ATP6V0D2: variants seen among roughly 807,000 people sequenced by gnomAD.
The protein encoded by ATP6V0D2 is V-type proton ATPase subunit d 2.
In ATP6V0D2, 40 loss-of-function variants were observed where a neutral mutation model predicts 40.0. That is an observed-to-expected ratio of 1.00 (90% CI 0.78 to 1.30). The LOEUF (loss-of-function observed/expected upper bound fraction) is 1.30. ATP6V0D2 is among the 50% of genes most tolerant of loss of function. The pLI, the probability that ATP6V0D2 is intolerant of heterozygous loss-of-function variation, is 0.00. For missense variants in ATP6V0D2, 470 were observed against 423.1 expected (o/e 1.11, Z -0.97); for synonymous variants, 179 against 156.3 (o/e 1.15, Z -1.08).
At chr8:86,148,960 G>C (rs988788921) in intron 5 of ATP6V0D2, among the ~76,000 whole-genome samples, 2 of 148,976 alleles carry the variant, frequency 1.3e-5, no homozygotes, top group African/African-American at 4.9e-5. Flanking sequence ...CTGCCACTTG[G>C]GAGGCTGAGG....
At chr8:86,128,702 T>C (rs1402595042) in intron 2 of ATP6V0D2, among the ~76,000 whole-genome samples, 3 of 152,136 alleles carry the variant, frequency 2.0e-5, no homozygotes, top group Non-Finnish European at 4.4e-5. Flanking sequence ...AACTCTGGGG[T>C]TACAAGATAC....
chr8:86,109,940 T>A (rs1818510528), intron 1 of ATP6V0D2, among the ~76,000 whole-genome samples: 1 of 152,120 alleles, frequency 6.6e-6, no homozygotes, highest in Non-Finnish European at 1.5e-5. Flanking sequence ...CTTCCTGTTA[T>A]CTCAGGATAA....
chr8:86,102,406 C>T (rs1334268652), intron 1 of ATP6V0D2, among the ~76,000 whole-genome samples: 1 of 152,158 alleles, frequency 6.6e-6, no homozygotes, highest in African/African-American at 2.4e-5. Flanking sequence ...ACCATACAAA[C>T]TATGGATAAA....
Position 86,141,454 on chromosome 8 carries a change from A to C in ATP6V0D2, c.486A>C (p.Pro162=), listed in dbSNP as rs1425952885. ...NAILIETPLA[P]FFQDCMSENA... is the part of the protein sequence containing the mutation. Reference sequence around the variant, plus strand: ...TATGGCAATTTCTGCTTTCAGCTCCATTCTTCCAAGACTGCATGTCTGAAA... The same window carrying C: ...TATGGCAATTTCTGCTTTCAGCTCCCTTCTTCCAAGACTGCATGTCTGAAA... The change falls in exon 4 of 8, where the codon CCA becomes CCC. Residue 162 remains proline (P), a synonymous_variant. Coordinates refer to ENST00000285393, the MANE Select transcript of ATP6V0D2 (RefSeq NM_152565.1). 1 of 1,609,330 alleles carries C rather than the reference A, an allele frequency of 6.2e-7. No individual in the cohort carries two copies. The highest frequency in any genetic ancestry group is 2.2e-5 in the East Asian group (1 of 44,786).
chr8:86,107,599 A>C (rs534864801), intron 1 of ATP6V0D2, among the ~76,000 whole-genome samples: 1 of 152,322 alleles, frequency 6.6e-6, no homozygotes, highest in East Asian at 1.9e-4. Flanking sequence ...ACGCTCTACA[A>C]ATTTTATAAA....
rs1819193554 is a variant in ATP6V0D2 at position 86,153,907 on chromosome 8, T to G, written c.*930T>G. On this transcript the variant is annotated 3_prime_UTR_variant, in exon 8 of 8. Transcript: ENST00000285393. ...CCTCAGCCTCCCGAGTAGCTGGGAT[T>G]ACAAGCACCCACCACTACACTCAGC... 1 of 152,184 alleles carries G rather than the reference T, an allele frequency of 6.6e-6. No individual in the cohort carries two copies. Among genetic ancestry groups the G allele is most frequent in the African/African-American group, 2.4e-5 (1 of 41,396 alleles). 9.4% of individuals were successfully genotyped at this position (152,184 alleles called of 1,614,324 possible).
At chr8:86,114,857 T>C (rs1196952220) in intron 2 of ATP6V0D2, among the ~76,000 whole-genome samples, 1 of 152,074 alleles carries the variant, frequency 6.6e-6, no homozygotes, top group Non-Finnish European at 1.5e-5. Flanking sequence ...GTTATGTAGA[T>C]AAAATGTAGA....
intron 2 of ATP6V0D2, among the ~76,000 whole-genome samples, chr8:86,132,914 C>T (rs1818846039): frequency 6.6e-6 from 1 of 152,146 alleles, no homozygotes; most frequent in South Asian, 2.1e-4. Flanking sequence ...CTGTTTTCCA[C>T]AGTACTTGTA....
intron 4 of ATP6V0D2, 25 bp from the exon 5 acceptor site, chr8:86,142,852 C>T: frequency 7.0e-7 from 1 of 1,430,244 alleles, no homozygotes; most frequent in Non-Finnish European, 9.8e-7. Flanking sequence ...CATTATATCA[C>T]TTTATGATCT....
At chr8:86,137,719 C>G (rs1289516544) in intron 2 of ATP6V0D2, among the ~76,000 whole-genome samples, 2 of 152,098 alleles carry the variant, frequency 1.3e-5, no homozygotes, top group East Asian at 1.9e-4. Flanking sequence ...CTACACATCA[C>G]CCCAAAAACT....
intron 1 of ATP6V0D2, among the ~76,000 whole-genome samples, chr8:86,109,232 C>G (rs1818505374): frequency 1.3e-5 from 2 of 152,038 alleles, no homozygotes; most frequent in Admixed American, 1.3e-4. Flanking sequence ...TTGTGCCTTC[C>G]AAATTTATTT....
chr8:86,117,892 G>A (rs1054102949), intron 2 of ATP6V0D2, among the ~76,000 whole-genome samples: 4 of 152,112 alleles, frequency 2.6e-5, no homozygotes, highest in Admixed American at 6.5e-5. Flanking sequence ...AGGAAGTGGG[G>A]AAACGAGGCT....
rs1819122476 is a variant in ATP6V0D2 at position 86,150,103 on chromosome 8, C to T, written c.640-9C>T. Reference sequence around the variant, plus strand: ...ATTAGATTTTACTGGTTTTGTCTTGCAAATTCAGTTTGAGGCCGACAGACG... The same window carrying T: ...ATTAGATTTTACTGGTTTTGTCTTGTAAATTCAGTTTGAGGCCGACAGACG... On this transcript the variant is annotated splice_polypyrimidine_tract_variant and intron_variant, in intron 5 of 7. Transcript: ENST00000285393. 1.2e-6 allele frequency: 2 copies of T among 1,608,300 alleles called. No homozygotes were observed. Among genetic ancestry groups the T allele is most frequent in the South Asian group, 2.2e-5 (2 of 90,606 alleles).
chr8:86,113,495 A>C (rs886482073), intron 1 of ATP6V0D2, among the ~76,000 whole-genome samples: 2 of 152,042 alleles, frequency 1.3e-5, no homozygotes, highest in Non-Finnish European at 2.9e-5. Flanking sequence ...ACAAAAGAAA[A>C]ACACATTTTC....
intron 5 of ATP6V0D2, among the ~76,000 whole-genome samples, chr8:86,149,052 G>GAT (rs1819107150): frequency 1.4e-5 from 1 of 69,000 alleles, no homozygotes; most frequent in Non-Finnish European, 2.5e-5. Context: ...ATCTCCAAAG[G>GAT]AAGAAAAAAA....
rs1296145852 is a variant in ATP6V0D2 at position 86,099,017 on chromosome 8, T to C, written c.39T>C (p.His13=). The C allele has an allele frequency of 1.9e-6, 3 of 1,613,836 alleles. No homozygotes were observed. The highest frequency in any genetic ancestry group is 2.7e-5 in the African/African-American group (2 of 74,888). The part of the protein sequence containing the change: ...EGAELYFNVD[H]GYLEGLVRGC... ...CGGAGCTGTACTTCAACGTGGACCA[T>C]GGCTACCTGGAGGGCCTGGTTCGAG... The change falls in exon 1 of 8, where the codon CAT becomes CAC. Residue 13 remains histidine, a synonymous_variant. Coordinates refer to ENST00000285393, the MANE Select transcript of ATP6V0D2 (RefSeq NM_152565.1).
At chr8:86,125,962 G>C (rs1163033227) in intron 2 of ATP6V0D2, among the ~76,000 whole-genome samples, 1 of 149,260 alleles carries the variant, frequency 6.7e-6, no homozygotes, top group Non-Finnish European at 1.5e-5. Context: ...TTCTGAGACA[G>C]AGTCTCACTC....
At chr8:86,146,664 G>C (rs1365628589) in intron 5 of ATP6V0D2, among the ~76,000 whole-genome samples, 1 of 152,070 alleles carries the variant, frequency 6.6e-6, no homozygotes, top group Non-Finnish European at 1.5e-5. Context: ...CTCATTCCAG[G>C]CTGGGTGACG....
intron 2 of ATP6V0D2, among the ~76,000 whole-genome samples, chr8:86,138,636 C>T (rs1221671457): frequency 6.6e-6 from 1 of 152,208 alleles, no homozygotes; most frequent in African/African-American, 2.4e-5. Context: ...AGAAAATTCA[C>T]AATGTGATCT....
Sources: allele counts gnomAD v4.1 joint callset (sites outside exome capture counted in the v4.1 genomes callset), GRCh38; gene constraint gnomAD v4.1.1; transcripts MANE v1.5; gene names NCBI Gene and HGNC (gene_info 2026-07-23, HGNC 2026-07-21).